Variants in NRXN1 observed in about 807,000 individuals in gnomAD.
NRXN1 encodes the protein neurexin 1.
A neutral mutation model predicts 150.9 loss-of-function variants in NRXN1; 39 were observed. That is an observed-to-expected ratio of 0.26 (90% CI 0.20 to 0.34). NRXN1 has a LOEUF of 0.34. Ranked by LOEUF, NRXN1 falls within the 10% of genes least tolerant of loss-of-function variation. The probability of loss-of-function intolerance (pLI) is 1.00; values close to 1 mark genes in which losing one functional copy is unlikely to be tolerated. For synonymous variants in NRXN1, 924 were observed against 757.0 expected, an observed-to-expected ratio of 1.22 and a Z score of -3.62; for missense variants, 1,815 against 1,949.9, an observed-to-expected ratio of 0.93 and a Z score of 1.30.
intron 9 of NRXN1, among the ~76,000 whole-genome samples, chr2:50,549,512 T>A (rs1483313162): frequency 6.6e-6 from 1 of 152,192 alleles, no homozygotes. Context: ...AGCATAGTAA[T>A]CTGATCTTTC....
At chr2:50,243,669 C>T (rs1379838815) in intron 17 of NRXN1, among the ~76,000 whole-genome samples, 1 of 151,724 alleles carries the variant, frequency 6.6e-6, no homozygotes, top group Admixed American at 6.6e-5. Flanking sequence ...ACTGTCATAC[C>T]TCCAGTATCC....
chr2:50,486,129 G>C (rs747625786), intron 15 of NRXN1, among the ~76,000 whole-genome samples: 1 of 152,006 alleles, frequency 6.6e-6, no homozygotes, highest in Non-Finnish European at 1.5e-5. Context: ...GATCGGTTGC[G>C]GTAAAACCAA....
chr2:50,939,811 C>G (rs1284301466), intron 2 of NRXN1, among the ~76,000 whole-genome samples: 1 of 152,126 alleles, frequency 6.6e-6, no homozygotes, highest in Non-Finnish European at 1.5e-5. Context: ...ATCTGGTAAA[C>G]ATGACATACA....
chr2:50,419,947 G>A (rs567205839), intron 17 of NRXN1, among the ~76,000 whole-genome samples: 8 of 152,042 alleles, frequency 5.3e-5, no homozygotes, highest in African/African-American at 1.9e-4. Flanking sequence ...ACATCTGAAT[G>A]CATGGCTAAA....
chr2:51,003,365 T>C (rs1430130813), intron 2 of NRXN1, among the ~76,000 whole-genome samples: 1 of 151,964 alleles, frequency 6.6e-6, no homozygotes, highest in Non-Finnish European at 1.5e-5. Flanking sequence ...TTGTTTCAGG[T>C]CATTTTCACA....
chr2:50,068,146 C>T (rs1320637880), intron 19 of NRXN1, among the ~76,000 whole-genome samples: 1 of 152,018 alleles, frequency 6.6e-6, no homozygotes, highest in Non-Finnish European at 1.5e-5. Flanking sequence ...CAATCTCTCT[C>T]TTCCAGTTGT....
intron 17 of NRXN1, among the ~76,000 whole-genome samples, chr2:50,309,329 AT>A: frequency 6.6e-6 from 1 of 152,280 alleles, no homozygotes; most frequent in East Asian, 1.9e-4. Context: ...CTCTAACTTG[AT>A]GAAAAATCAG....
chr2:51,012,882 G>A (rs1003186132), intron 2 of NRXN1, among the ~76,000 whole-genome samples: 63 of 151,906 alleles, frequency 4.1e-4, no homozygotes, highest in African/African-American at 1.5e-3. Flanking sequence ...TCTTTGTTTT[G>A]TTTTTAACCC....
intron 17 of NRXN1, among the ~76,000 whole-genome samples, chr2:50,329,645 ATATATATATATATATATATATATATATAT>A (rs1558536768): frequency 3.3e-3 from 24 of 7,272 alleles, no homozygotes; most frequent in South Asian, 4.3e-3. Flanking sequence ...ATATATATAT[ATATATATATATATATATATATATATATAT>A]TTTTTTTTTT....
At chr2:50,478,590 C>T (rs2090187131) in intron 15 of NRXN1, among the ~76,000 whole-genome samples, 1 of 152,132 alleles carries the variant, frequency 6.6e-6, no homozygotes, top group Non-Finnish European at 1.5e-5. Flanking sequence ...ATCTTAGTCT[C>T]CCTTGGTACA....
chr2:50,567,379 T>C (rs13019265), intron 8 of NRXN1, among the ~76,000 whole-genome samples: 14,850 of 152,082 alleles, frequency 0.098, 1,018 homozygotes, highest in African/African-American at 0.18. Flanking sequence ...ATTTTTTTCA[T>C]TGTAACTGAT....
chr2:50,770,053 A>G (rs1702821409), intron 5 of NRXN1, among the ~76,000 whole-genome samples: 1 of 152,112 alleles, frequency 6.6e-6, no homozygotes, highest in African/African-American at 2.4e-5. Context: ...AAGAACTTTC[A>G]ATCCAATGCT....
chr2:50,327,323 C>T (rs2076450169), intron 17 of NRXN1, among the ~76,000 whole-genome samples: 1 of 152,134 alleles, frequency 6.6e-6, no homozygotes, highest in Non-Finnish European at 1.5e-5. Flanking sequence ...ATATCAACTT[C>T]AGGACAGGGA....
chr2:49,963,391 C>G (rs1206983737), intron 21 of NRXN1, among the ~76,000 whole-genome samples: 1 of 152,096 alleles, frequency 6.6e-6, no homozygotes, highest in South Asian at 2.1e-4. Context: ...AGAGGCAAAA[C>G]AAACAGGAAA....
At chr2:50,752,706 G>GA (rs528734197) in intron 5 of NRXN1, among the ~76,000 whole-genome samples, 9,576 of 137,682 alleles carry the variant, frequency 0.07, 546 homozygotes, top group East Asian at 0.25. Flanking sequence ...TGATAAAAGT[G>GA]AAAAAAAAAA....
At chr2:50,379,195 G>A (rs539019993) in intron 17 of NRXN1, among the ~76,000 whole-genome samples, 1 of 152,256 alleles carries the variant, frequency 6.6e-6, no homozygotes, top group Non-Finnish European at 1.5e-5. Context: ...ACAGAGACTG[G>A]ACTATCCCCA....
At chr2:50,280,259 C>T (rs897473980) in intron 17 of NRXN1, among the ~76,000 whole-genome samples, 1 of 123,776 alleles carries the variant, frequency 8.1e-6, no homozygotes, top group Non-Finnish European at 1.6e-5. Context: ...GCCTGGGTCA[C>T]AGAGCAAGAA....
chr2:50,713,144 C>T (rs1304187553), intron 5 of NRXN1, among the ~76,000 whole-genome samples: 2 of 151,934 alleles, frequency 1.3e-5, no homozygotes, highest in Non-Finnish European at 2.9e-5. Flanking sequence ...AAAACCCCAT[C>T]TCTACTAAAA....
At chr2:50,993,971 C>T (rs1170846373) in intron 2 of NRXN1, among the ~76,000 whole-genome samples, 1 of 151,916 alleles carries the variant, frequency 6.6e-6, no homozygotes, top group Non-Finnish European at 1.5e-5. Context: ...TTCATCTTTC[C>T]AGAACACTCA....
Sources: gnomAD v4.1 joint callset for allele counts (sites outside exome capture counted in the v4.1 genomes callset) on GRCh38, gnomAD v4.1.1 for gene constraint, MANE v1.5 for transcripts, NCBI Gene and HGNC (gene_info 2026-07-23, HGNC 2026-07-21) for gene names.